RNF13: variants seen among roughly 807,000 people sequenced by gnomAD.
RNF13 encodes the protein E3 ubiquitin-protein ligase RNF13.
In RNF13, 19 loss-of-function variants were observed where a neutral mutation model predicts 37.7. That is an observed-to-expected ratio of 0.50 (90% CI 0.35 to 0.74). The LOEUF (loss-of-function observed/expected upper bound fraction) is 0.74, where lower values mean the gene tolerates loss of function less well. Among genes scored for constraint, RNF13 ranks in the 30% least tolerant of loss-of-function variants. The pLI, the probability that RNF13 is intolerant of heterozygous loss-of-function variation, is 0.01. For synonymous variants in RNF13, 144 were observed against 157.8 expected (o/e 0.91, Z 0.65); for missense variants, 375 against 453.0 (o/e 0.83, Z 1.56).
At chr3:149,839,302 C>G (rs1202692654) in intron 1 of RNF13, among the ~76,000 whole-genome samples, 1 of 39,608 alleles carries the variant, frequency 2.5e-5, no homozygotes, top group African/African-American at 1.0e-4. Context: ...GCCTGTTATC[C>G]AGTTCCAAAG....
intron 1 of RNF13, among the ~76,000 whole-genome samples, chr3:149,827,090 T>G (rs1160341924): frequency 6.6e-6 from 1 of 152,160 alleles, no homozygotes; most frequent in Non-Finnish European, 1.5e-5. Context: ...TAACGTACAG[T>G]TGGCCCTCTG....
chr3:149,904,732 A>T (rs954033434), intron 6 of RNF13, among the ~76,000 whole-genome samples: 1 of 151,796 alleles, frequency 6.6e-6, no homozygotes, highest in African/African-American at 2.4e-5. Flanking sequence ...AGTATCATCC[A>T]TCTTGTCCAT....
At chr3:149,886,079 C>A (rs193231253) in intron 4 of RNF13, among the ~76,000 whole-genome samples, 2 of 152,210 alleles carry the variant, frequency 1.3e-5, no homozygotes, top group East Asian at 3.9e-4. Flanking sequence ...CTATTCTGTT[C>A]CATTGTTCTG....
intron 8 of RNF13, chr3:149,939,918 G>C (rs1439379907): frequency 3.6e-6 from 1 of 278,198 alleles, no homozygotes. Flanking sequence ...TTTAAAGTGG[G>C]TTTCTTTTCA....
chr3:149,879,117 G>A (rs895444134), intron 4 of RNF13, among the ~76,000 whole-genome samples: 6 of 151,988 alleles, frequency 3.9e-5, no homozygotes, highest in Non-Finnish European at 8.8e-5. Context: ...TTTCTTTTTC[G>A]TTTTGACTTT....
At chr3:149,902,215 G>A in intron 6 of RNF13, 53 bp downstream of exon 6, 1 of 809,250 alleles carries the variant, frequency 1.2e-6, no homozygotes, top group Non-Finnish European at 2.0e-6. Context: ...TTTATATTAA[G>A]GTAGAATTAT....
rs1722338242 is a variant in RNF13 at position 149,960,899 on chromosome 3, C to A, written c.941C>A (p.Pro314His). The A allele has an allele frequency of 1.2e-6, 2 of 1,614,154 alleles. No individual in the cohort carries two copies. Among genetic ancestry groups the A allele is most frequent in the Non-Finnish European group, 1.7e-6 (2 of 1,180,020 alleles). ...EVTEHTPLLRPLASVSAQSFG... is the reference protein window; with the variant it reads ...EVTEHTPLLRHLASVSAQSFG... ...ACAGAACATACCCCTTTACTGAGACCTTTAGCTTCTGTCAGTGCCCAGTCA... is the reference window on the plus strand; with the variant it reads ...ACAGAACATACCCCTTTACTGAGACATTTAGCTTCTGTCAGTGCCCAGTCA... The change falls in exon 10 of 10, where the codon CCT (proline) becomes CAT (histidine). Residue 314 changes from proline to histidine, a missense_variant. By Grantham distance (77) the Pro-to-His change is moderately conservative (BLOSUM62 -2). Coordinates refer to ENST00000392894, the MANE Select transcript of RNF13 (RefSeq NM_183381.3).
intron 8 of RNF13, chr3:149,939,939 G>T: frequency 3.5e-6 from 1 of 281,802 alleles, no homozygotes; most frequent in Non-Finnish European, 6.8e-6. Context: ...ACAAAATATA[G>T]CTGGTCTTAT....
intron 2 of RNF13, among the ~76,000 whole-genome samples, chr3:149,847,136 C>T (rs887627078): frequency 6.6e-6 from 1 of 152,140 alleles, no homozygotes; most frequent in Non-Finnish European, 1.5e-5. Flanking sequence ...CCAACAACCC[C>T]ATCATAAGTT....
At chr3:149,924,562 G>A (rs543840950) in intron 8 of RNF13, among the ~76,000 whole-genome samples, 1 of 152,302 alleles carries the variant, frequency 6.6e-6, no homozygotes, top group East Asian at 1.9e-4. Flanking sequence ...AGCAAGGAAT[G>A]ATAACCTGTG....
chr3:149,948,750 C>T (rs1023726743), intron 8 of RNF13, among the ~76,000 whole-genome samples: 11 of 152,090 alleles, frequency 7.2e-5, no homozygotes, highest in African/African-American at 1.9e-4. Context: ...TTCTGGGCCA[C>T]GTGCCGTGAC....
chr3:149,833,955 A>G (rs1368789619), intron 1 of RNF13, among the ~76,000 whole-genome samples: 1 of 152,230 alleles, frequency 6.6e-6, no homozygotes, highest in Non-Finnish European at 1.5e-5. Flanking sequence ...CACAAAAATC[A>G]GTTGCATTCC....
chr3:149,877,599 C>T (rs1274694513), intron 4 of RNF13, among the ~76,000 whole-genome samples: 1 of 150,274 alleles, frequency 6.7e-6, no homozygotes, highest in East Asian at 2.0e-4. Flanking sequence ...CATTACTTGT[C>T]CCCAGAACAT....
chr3:149,889,735 A>C (rs1423589550), intron 4 of RNF13, among the ~76,000 whole-genome samples: 2 of 148,416 alleles, frequency 1.3e-5, no homozygotes, highest in Admixed American at 1.3e-4. Flanking sequence ...GCTCACTGCA[A>C]CCTCTGACTT....
chr3:149,943,484 G>C (rs1192488387), intron 8 of RNF13, among the ~76,000 whole-genome samples: 1 of 152,142 alleles, frequency 6.6e-6, no homozygotes, highest in Non-Finnish European at 1.5e-5. Flanking sequence ...TCCTGCACCA[G>C]AGTGGTACAT....
At chr3:149,937,377 A>T (rs1034480576) in intron 8 of RNF13, among the ~76,000 whole-genome samples, 4 of 152,136 alleles carry the variant, frequency 2.6e-5, no homozygotes, top group Non-Finnish European at 4.4e-5. Flanking sequence ...AGGGAGGGGC[A>T]TCATGGATAG....
chr3:149,908,519 A>G (rs1336534650), intron 6 of RNF13, among the ~76,000 whole-genome samples: 1 of 152,208 alleles, frequency 6.6e-6, no homozygotes, highest in Non-Finnish European at 1.5e-5. Flanking sequence ...AGAATTCCTC[A>G]AGAAGACAGA....
At chr3:149,953,417 T>C (rs1721532511) in intron 8 of RNF13, among the ~76,000 whole-genome samples, 1 of 152,194 alleles carries the variant, frequency 6.6e-6, no homozygotes, top group African/African-American at 2.4e-5. Flanking sequence ...TTGTGTAGCA[T>C]TCTAGAAATG....
In RNF13 at chr3:149,960,122, T is replaced by C; in HGVS notation, c.767T>C (p.Leu256Pro). 6.2e-7 allele frequency: 1 copy of C among 1,605,408 alleles called. No individual in the cohort carries two copies. The highest frequency in any genetic ancestry group is 8.5e-7 in the Non-Finnish European group (1 of 1,172,122). The change falls in exon 9 of 10, where the codon CTT becomes CCT. Residue 256 changes from leucine to proline, a missense_variant. Leu to Pro is a moderately conservative substitution (Grantham distance 98). Transcript: ENST00000392894. ...EYEDGDKLRI[L>P]PCSHAYHCKC... ...GAAGATGGAGACAAACTCAGAATCC[T>C]TCCCTGTTCCCATGGTATGAGTAAT...
Sources: allele counts gnomAD v4.1 joint callset (sites outside exome capture counted in the v4.1 genomes callset), GRCh38; gene constraint gnomAD v4.1.1; transcripts MANE v1.5; gene names NCBI Gene and HGNC (gene_info 2026-07-23, HGNC 2026-07-21).